Variants in CD22 observed in about 807,000 individuals in gnomAD.
CD22 encodes the protein CD22 molecule.
In CD22, 51 loss-of-function variants were observed where a neutral mutation model predicts 94.7. The observed-to-expected ratio is 0.54, with a 90% CI of 0.43 to 0.68. The LOEUF is 0.68. CD22 is among the 30% of genes least tolerant of loss of function. The pLI, the probability that CD22 is intolerant of heterozygous loss-of-function variation, is 0.00. For synonymous variants in CD22, 424 were observed against 422.5 expected (o/e 1.00, Z -0.04); for missense variants, 931 against 1,060.4 (o/e 0.88, Z 1.69).
In CD22 at chr19:35,337,941, A is replaced by T. The variant is rs773397250; in HGVS notation, c.905A>T (p.Asp302Val). Residue 302 changes from aspartate (D) to valine (V), a missense_variant, in exon 5 of 14, where the codon GAC (aspartate) becomes GTC (valine). By Grantham distance (152) the Asp-to-Val change is radical (BLOSUM62 -3). Coordinates refer to ENST00000085219, the MANE Select transcript of CD22 (RefSeq NM_001771.4). The surrounding 1 kb of genome is among the most constrained non-coding windows in gnomAD (Gnocchi z 4.4). ...FTLNLREVTK[D>V]QSGKYCCQVS... ...CTAAACCTGCGCGAAGTGACCAAGG[A>T]CCAGAGTGGGAAGTACTGCTGTCAG... The T allele has an allele frequency of 6.2e-7, 1 of 1,614,218 alleles. No homozygotes were observed. The highest frequency in any genetic ancestry group is 8.5e-7 in the Non-Finnish European group (1 of 1,180,032).
rs1177742660 is a variant in CD22 at position 35,347,312 on chromosome 19, C to T, written c.*615C>T. The T allele has an allele frequency of 6.6e-6, 1 of 152,232 alleles. No homozygotes were observed. The highest frequency in any genetic ancestry group is 1.9e-4 in the East Asian group (1 of 5,194). 9.4% of individuals were successfully genotyped at this position (152,232 alleles called of 1,614,324 possible). A position where few individuals can be genotyped will look rare whatever the true frequency, so the allele number is the denominator to read the frequency against. ...GACACACTGGTGTGGATTAACCTGCCAGGGAGACAGAGCTCACAATAAAAA... is the reference window on the plus strand; with the variant it reads ...GACACACTGGTGTGGATTAACCTGCTAGGGAGACAGAGCTCACAATAAAAA... On this transcript the variant is annotated 3_prime_UTR_variant, in exon 14 of 14. Coordinates refer to ENST00000085219, the MANE Select transcript of CD22 (RefSeq NM_001771.4).
At chr19:35,329,379 C>A in intron 1 of CD22, 149 bp downstream of exon 1, 1 of 439,030 alleles carries the variant, frequency 2.3e-6, no homozygotes. Context: ...TGTAGACAGA[C>A]CCCTGTCTTG....
chr19:35,332,732 A>C lies in CD22; in HGVS notation c.220A>C (p.Thr74Pro). Reference protein sequence around the residue: ...YNKNTSKFDGTRLYESTKDGK... With the variant: ...YNKNTSKFDGPRLYESTKDGK... ...CAAGAACACCTCGAAGTTTGATGGG[A>C]CAAGACTCTATGAAAGCACAAAGGA... Residue 74 changes from threonine (T) to proline (P), a missense_variant, in exon 3 of 14, where the codon ACA becomes CCA. Coordinates refer to ENST00000085219, the MANE Select transcript of CD22 (RefSeq NM_001771.4). 6.2e-7 allele frequency: 1 copy of C among 1,614,184 alleles called. No individual in the cohort carries two copies. Among genetic ancestry groups the C allele is most frequent in the Non-Finnish European group, 8.5e-7 (1 of 1,180,018 alleles).
rs771912068 is a variant in CD22, at chr19:35,336,298, T to C, written c.675T>C (p.Asp225=). 2 of 1,614,076 alleles carry C rather than the reference T, an allele frequency of 1.2e-6. No homozygotes were observed. The highest frequency in any genetic ancestry group is 1.1e-5 in the South Asian group (1 of 91,088). Residue 225 remains aspartate (D), a synonymous_variant, in exon 4 of 14, where the codon GAT becomes GAC. Coordinates refer to ENST00000085219, the MANE Select transcript of CD22 (RefSeq NM_001771.4). ...KIVTCQLQDA[D]GKFLSNDTVQ... ...TGACCTGCCAGCTTCAGGATGCAGA[T>C]GGGAAGTTCCTCTCCAATGACACGG...
At chr19:35,344,709 C>A (rs532381231) in intron 9 of CD22, 120 bp from the exon 10 acceptor site, 9 of 720,078 alleles carry the variant, frequency 1.2e-5, no homozygotes, top group Non-Finnish European at 2.2e-5. Context: ...CACCCCTGCA[C>A]GCATGCAGGG....
At chr19:35,339,616 G>A (rs1473007452) in intron 6 of CD22, among the ~76,000 whole-genome samples, 2 of 152,182 alleles carry the variant, frequency 1.3e-5, no homozygotes, top group Non-Finnish European at 2.9e-5. Context: ...AGCACTTTGG[G>A]AGGCCAAGGT....
At chr19:35,344,659 G>A in intron 9 of CD22, 170 bp from the exon 10 acceptor site, 1 of 636,750 alleles carries the variant, frequency 1.6e-6, no homozygotes, top group South Asian at 1.9e-5. Flanking sequence ...CTAAAGGGAG[G>A]CCCAGAGCAA....
At chr19:35,331,812 A>G in intron 1 of CD22, 1 of 991,074 alleles carries the variant, frequency 1.0e-6, no homozygotes, top group Non-Finnish European at 1.4e-6. Flanking sequence ...ACACCACTGC[A>G]CTCTAGCCTG....
At chr19:35,333,871 G>A (rs922265560) in intron 3 of CD22, among the ~76,000 whole-genome samples, 3 of 152,178 alleles carry the variant, frequency 2.0e-5, no homozygotes, top group Admixed American at 1.3e-4. Context: ...TTTTTCAAGA[G>A]ACGATGGAAA....
rs1201086407 is a variant in CD22 at position 35,339,967 on chromosome 19, T to G, written c.1250-914T>G. Among the ~76,000 whole-genome samples, 3 of 152,288 alleles carry G rather than the reference T, an allele frequency of 2.0e-5. No homozygotes were observed. In the East Asian group the frequency reaches 5.8e-4, roughly 29 times the overall value. ...AGATCTTGAAATTTTTAATGAGAAC[T>G]GGGGCAAACTGTCTCATTACCTCTC... On this transcript the variant is annotated intron_variant, in intron 6 of 13. Transcript: ENST00000085219.
intron 3 of CD22, among the ~76,000 whole-genome samples, chr19:35,334,513 C>CA (rs2066690564): frequency 6.6e-6 from 1 of 152,168 alleles, no homozygotes; most frequent in Admixed American, 6.5e-5. Context: ...GGGCCCCTGC[C>CA]ACAGGGAGTG....
chr19:35,344,910 T>G lies in CD22; in HGVS notation c.2117T>G (p.Leu706Arg). ...LAILILAICGLKLQRRWKRTQ... is the reference protein window; with the variant it reads ...LAILILAICGRKLQRRWKRTQ... ...ATCCTCATCCTGGCAATCTGTGGGC[T>G]CAAGCTCCAGCGACGGTGAGCTCCT... Residue 706 changes from leucine to arginine, a missense_variant, in exon 10 of 14, where the codon CTC becomes CGC. Transcript: ENST00000085219. 6.2e-7 allele frequency: 1 copy of G among 1,613,922 alleles called. No homozygotes were observed.
At chr19:35,334,649 C>A (rs1452944763) in intron 3 of CD22, among the ~76,000 whole-genome samples, 1 of 152,138 alleles carries the variant, frequency 6.6e-6, no homozygotes, top group Non-Finnish European at 1.5e-5. Flanking sequence ...AGAGCTGAGG[C>A]TGGGTGCACA....
chr19:35,332,222 T>A (rs910544645), intron 2 of CD22, 148 bp downstream of exon 2: 14 of 809,596 alleles, frequency 1.7e-5, no homozygotes, highest in African/African-American at 3.4e-5. Flanking sequence ...AATATATATG[T>A]TTCCCATATA....
At chr19:35,335,357 A>T (rs2066706113) in intron 3 of CD22, among the ~76,000 whole-genome samples, 1 of 151,894 alleles carries the variant, frequency 6.6e-6, no homozygotes, top group Non-Finnish European at 1.5e-5. Context: ...GGAGTTTGAG[A>T]CCAGCCTGGG....
chr19:35,345,681 C>A lies in CD22; in HGVS notation c.2288C>A (p.Thr763Asn). The A allele has an allele frequency of 1.2e-6, 2 of 1,613,714 alleles. No individual in the cohort carries two copies. Among genetic ancestry groups the A allele is most frequent in the Non-Finnish European group, 1.7e-6 (2 of 1,179,644 alleles). ...ATGATGGAAGATGGCATTAGCTACA[C>A]CACCCTGCGCTTTCCCGAGATGAAC... ...NPMMEDGISYTTLRFPEMNIP... is the reference protein window; with the variant it reads ...NPMMEDGISYNTLRFPEMNIP... The change falls in exon 12 of 14, where the codon ACC (threonine) becomes AAC (asparagine). Residue 763 changes from threonine to asparagine, a missense_variant. Physicochemically the swap from Thr to Asn is moderately conservative, Grantham distance 65. Transcript: ENST00000085219.
At chr19:35,340,759 C>G (rs577150110) in intron 6 of CD22, 122 bp from the exon 7 acceptor site, 2 of 1,056,418 alleles carry the variant, frequency 1.9e-6, no homozygotes, top group African/African-American at 3.2e-5. Flanking sequence ...ACAAGCCCCC[C>G]TTTGATTAAT....
chr19:35,329,910 A>T (rs2066621832), intron 1 of CD22: 1 of 153,324 alleles, frequency 6.5e-6, no homozygotes, highest in Non-Finnish European at 1.5e-5. Flanking sequence ...TGGAACATGT[A>T]AAATAGATCC....
In CD22 at chr19:35,344,839, G is replaced by C. The variant is rs1270481570; in HGVS notation, c.2046G>C (p.Glu682Asp). The C allele has an allele frequency of 3.7e-6, 6 of 1,611,952 alleles. No individual in the cohort carries two copies. The East Asian group carries it at 1.1e-4, about 30-fold the overall frequency. The change falls in exon 10 of 14, where the codon GAG becomes GAC. Residue 682 changes from glutamate to aspartate, a missense_variant. Glu to Asp is a conservative substitution (Grantham distance 45). Coordinates refer to ENST00000085219, the MANE Select transcript of CD22 (RefSeq NM_001771.4). ...LSTLTVYYSP[E>D]TIGRRVAVGL... is the part of the protein sequence containing the mutation. Reference sequence around the variant, plus strand: ...CCTTTCTCCACCCAGATAGCCCGGAGACCATCGGCAGGCGAGTGGCTGTGG... The same window carrying C: ...CCTTTCTCCACCCAGATAGCCCGGACACCATCGGCAGGCGAGTGGCTGTGG...
Sources: allele counts gnomAD v4.1 joint callset (sites outside exome capture counted in the v4.1 genomes callset), GRCh38; gene constraint gnomAD v4.1.1; non-coding constraint Gnocchi (gnomAD v3.1); transcripts MANE v1.5; gene names NCBI Gene and HGNC (gene_info 2026-07-23, HGNC 2026-07-21).